Variants in SPTLC3 observed in about 807,000 individuals in gnomAD.
SPTLC3 encodes the protein serine palmitoyltransferase long chain base subunit 3.
A neutral mutation model predicts 59.3 loss-of-function variants in SPTLC3; 36 were observed. The observed-to-expected ratio is 0.61, with a 90% confidence interval of 0.47 to 0.80. The LOEUF (loss-of-function observed/expected upper bound fraction) is 0.80. Ranked by LOEUF, SPTLC3 falls within the 30% of genes least tolerant of loss-of-function variation. SPTLC3 has a pLI of 0.00. For missense variants in SPTLC3, 625 were observed against 685.1 expected (o/e 0.91, Z 0.98); for synonymous variants, 257 against 240.8 (o/e 1.07, Z -0.62).
chr20:13,124,373 G>C (rs1326480573), intron 8 of SPTLC3, among the ~76,000 whole-genome samples: 1 of 151,450 alleles, frequency 6.6e-6, no homozygotes, highest in Admixed American at 6.6e-5. Flanking sequence ...AAGGGAGGGA[G>C]GAAGGAAGGA....
intron 1 of SPTLC3, among the ~76,000 whole-genome samples, chr20:13,027,852 G>C (rs1986235537): frequency 6.6e-6 from 1 of 152,104 alleles, no homozygotes; most frequent in African/African-American, 2.4e-5. Context: ...ATATCAGATA[G>C]CAAAATTTTC....
intron 4 of SPTLC3, 142 bp downstream of exon 4, chr20:13,074,639 G>T: frequency 2.9e-6 from 3 of 1,036,500 alleles, no homozygotes; most frequent in South Asian, 4.5e-5. Context: ...AGATATTTTG[G>T]GAAATTTCAA....
At chr20:13,029,315 A>AC (rs1986311869) in intron 1 of SPTLC3, among the ~76,000 whole-genome samples, 1 of 152,202 alleles carries the variant, frequency 6.6e-6, no homozygotes, top group African/African-American at 2.4e-5. Flanking sequence ...CAAGTCACAG[A>AC]CATCAGTTCG....
At chr20:13,040,456 T>C (rs942913859) in intron 1 of SPTLC3, among the ~76,000 whole-genome samples, 1 of 152,054 alleles carries the variant, frequency 6.6e-6, no homozygotes, top group Non-Finnish European at 1.5e-5. Flanking sequence ...CCTCCTGGGT[T>C]CAAGCAACTC....
intron 9 of SPTLC3, among the ~76,000 whole-genome samples, chr20:13,147,013 G>C (rs1032519369): frequency 6.6e-6 from 1 of 152,170 alleles, no homozygotes; most frequent in Non-Finnish European, 1.5e-5. Context: ...TCTCATCCTT[G>C]CTTGGGGATT....
At chr20:13,124,366 G>C (rs1157528246) in intron 8 of SPTLC3, among the ~76,000 whole-genome samples, 5 of 151,944 alleles carry the variant, frequency 3.3e-5, no homozygotes, top group African/African-American at 1.2e-4. Flanking sequence ...AGGGAAGAAG[G>C]GAGGGAGGAA....
intron 9 of SPTLC3, among the ~76,000 whole-genome samples, chr20:13,131,439 G>A (rs375887963): frequency 6.6e-6 from 1 of 152,272 alleles, no homozygotes; most frequent in East Asian, 1.9e-4. Flanking sequence ...TAAGTGATGT[G>A]ATACAGATAA....
intron 6 of SPTLC3, among the ~76,000 whole-genome samples, chr20:13,104,805 G>C (rs1186406804): frequency 6.6e-6 from 1 of 152,050 alleles, no homozygotes; most frequent in Non-Finnish European, 1.5e-5. Context: ...TTTAATTTCC[G>C]TATCTCAGAA....
intron 6 of SPTLC3, among the ~76,000 whole-genome samples, chr20:13,094,675 A>T (rs569095280): frequency 1.2e-4 from 19 of 152,324 alleles, no homozygotes; most frequent in African/African-American, 4.6e-4. Flanking sequence ...AAGAAAATGC[A>T]TGGGAGTATT....
intron 9 of SPTLC3, among the ~76,000 whole-genome samples, chr20:13,137,338 G>T (rs2038270983): frequency 6.6e-6 from 1 of 152,176 alleles, no homozygotes; most frequent in Non-Finnish European, 1.5e-5. Flanking sequence ...CTTTAGCAGG[G>T]TTGGGGAATG....
rs771300414 is a variant in SPTLC3, at chr20:13,049,021, T to A, written c.194T>A (p.Phe65Tyr). 10 of 1,612,572 alleles carry A rather than the reference T, an allele frequency of 6.2e-6. No homozygotes were observed. The highest frequency in any genetic ancestry group is 8.5e-6 in the Non-Finnish European group (10 of 1,179,546). The stretch of plus-strand genomic sequence containing the variant: ...GAAGCACCCCTTCATGTTATGGTTT[T>A]CACTTACATGGGATATGGAATTGGA... ...FEEAPLHVMVFTYMGYGIGTL... is the reference protein window; with the variant it reads ...FEEAPLHVMVYTYMGYGIGTL... The change falls in exon 2 of 12, where the codon TTC becomes TAC. Residue 65 changes from phenylalanine to tyrosine, a missense_variant. Transcript: ENST00000399002.
At chr20:13,115,697 C>T (rs1449418248) in intron 7 of SPTLC3, among the ~76,000 whole-genome samples, 1 of 152,166 alleles carries the variant, frequency 6.6e-6, no homozygotes, top group East Asian at 1.9e-4. Flanking sequence ...AGGGCTCCCA[C>T]TTTCCCAAGT....
chr20:13,110,106 T>C lies in SPTLC3; in HGVS notation c.827-6T>C, dbSNP rs773733355. On this transcript the variant is annotated splice_polypyrimidine_tract_variant and splice_region_variant and intron_variant, in intron 6 of 11. Transcript: ENST00000399002. ...ACTCAATTTTTTTTTTTGGTATTAT[T>C]TAAAGACACACAAAGCCTAGAGAAG... The C allele has an allele frequency of 4.4e-6, 7 of 1,597,236 alleles. No individual in the cohort carries two copies. The South Asian group carries it at 8.0e-5, about 18-fold the overall frequency.
At chr20:13,078,508 G>A (rs2122587116) in intron 4 of SPTLC3, among the ~76,000 whole-genome samples, 1 of 151,928 alleles carries the variant, frequency 6.6e-6, no homozygotes, top group African/African-American at 2.4e-5. Flanking sequence ...ATGATTCTTG[G>A]TTAAATACTA....
At chr20:13,063,440 G>C (rs1466047104) in intron 2 of SPTLC3, among the ~76,000 whole-genome samples, 2 of 151,758 alleles carry the variant, frequency 1.3e-5, no homozygotes, top group East Asian at 1.9e-4. Flanking sequence ...GTTGTTATTA[G>C]TTTTGATGTT....
At chr20:13,139,142 G>GT (rs2038321141) in intron 9 of SPTLC3, among the ~76,000 whole-genome samples, 1 of 152,146 alleles carries the variant, frequency 6.6e-6, no homozygotes, top group Admixed American at 6.5e-5. Flanking sequence ...CACTTAGGAT[G>GT]TTTTTCAATC....
At chr20:13,084,594 T>C (rs1988946792) in intron 4 of SPTLC3, among the ~76,000 whole-genome samples, 1 of 139,290 alleles carries the variant, frequency 7.2e-6, no homozygotes, top group South Asian at 2.2e-4. Flanking sequence ...AAAACTTGGA[T>C]GACAATTAAG....
rs559411115 is a variant in SPTLC3 at position 13,124,847 on chromosome 20, T to C, written c.1153-1744T>C. On this transcript the variant is annotated intron_variant, in intron 8 of 11. Transcript: ENST00000399002. ...CGGAAGTGGGAATGAATGTGACTAA[T>C]GAAGGAGGGTGAGGAGGACATGAAC... Among the ~76,000 whole-genome samples, 12 of 152,176 alleles carry C rather than the reference T, an allele frequency of 7.9e-5. 1 individual carries two copies. The highest frequency in any genetic ancestry group is 5.9e-4 in the Admixed American group (9 of 15,282).
At chr20:13,082,848 A>G (rs1391603748) in intron 4 of SPTLC3, among the ~76,000 whole-genome samples, 6 of 152,194 alleles carry the variant, frequency 3.9e-5, no homozygotes, top group Admixed American at 3.9e-4. Flanking sequence ...CTTCATTGAC[A>G]TCGGCACCTG....
Sources: allele counts gnomAD v4.1 joint callset (sites outside exome capture counted in the v4.1 genomes callset), GRCh38; gene constraint gnomAD v4.1.1; transcripts MANE v1.5; gene names NCBI Gene and HGNC (gene_info 2026-07-23, HGNC 2026-07-21).